Variants in ELK3 observed in about 807,000 individuals in gnomAD.
ELK3 encodes ETS domain-containing protein Elk-3.
In ELK3, 10 loss-of-function variants were observed where a neutral mutation model predicts 28.9. The observed-to-expected ratio is 0.35, with a 90% CI of 0.21 to 0.59. ELK3 has a LOEUF of 0.59. Ranked by LOEUF, ELK3 falls within the 20% of genes least tolerant of loss-of-function variation. The pLI is 0.82. For synonymous variants in ELK3, 272 were observed against 243.5 expected (o/e 1.12, Z -1.09); for missense variants, 463 against 517.3 (o/e 0.90, Z 1.02).
At chr12:96,206,961 A>G (rs906078279) in intron 1 of ELK3, among the ~76,000 whole-genome samples, 6 of 152,198 alleles carry the variant, frequency 3.9e-5, no homozygotes, top group African/African-American at 1.4e-4. Flanking sequence ...GTGCATCTTG[A>G]TGGTTAATTT....
chr12:96,213,557 C>A (rs932737382), intron 1 of ELK3, among the ~76,000 whole-genome samples: 1 of 152,178 alleles, frequency 6.6e-6, no homozygotes, highest in Admixed American at 6.5e-5. Flanking sequence ...ACGAAGCCAT[C>A]ATTTACTACT....
At chr12:96,230,907 C>T (rs765278815) in intron 2 of ELK3, among the ~76,000 whole-genome samples, 16 of 152,172 alleles carry the variant, frequency 1.1e-4, no homozygotes, top group Admixed American at 9.8e-4. Context: ...GTAGAGGCTG[C>T]GGGGCAAACC....
chr12:96,213,430 G>A (rs1001323318), intron 1 of ELK3, among the ~76,000 whole-genome samples: 3 of 152,266 alleles, frequency 2.0e-5, no homozygotes, highest in Non-Finnish European at 4.4e-5. Context: ...CTGTGGGCCC[G>A]CTCTGAAAAT....
At position 96,269,779 on chromosome 12, in the gene ELK3, A is replaced by ACTGT. The variant is rs1952072088; in HGVS notation, c.*2601_*2604dup. On this transcript the variant is annotated 3_prime_UTR_variant, in exon 5 of 5. Transcript: ENST00000228741. ...AATCTTCACTTTATGTATCATTTTT[A>ACTGT]CTGTCATATTATTTTTGTTCAATAA... 6.6e-6 allele frequency: 1 copy of ACTGT among 152,142 alleles called. No individual in the cohort carries two copies. The highest frequency in any genetic ancestry group is 6.5e-5 in the Admixed American group (1 of 15,278). 9.4% of individuals were successfully genotyped at this position (152,142 alleles called of 1,614,324 possible).
At chr12:96,245,733 C>A (rs1344610213) in intron 2 of ELK3, among the ~76,000 whole-genome samples, 2 of 152,124 alleles carry the variant, frequency 1.3e-5, no homozygotes, top group Non-Finnish European at 2.9e-5. Context: ...CACACGCAAG[C>A]ATTTGGTAGG....
intron 3 of ELK3, among the ~76,000 whole-genome samples, chr12:96,255,851 A>C (rs1258368169): frequency 2.0e-5 from 3 of 152,214 alleles, no homozygotes; most frequent in Admixed American, 2.0e-4. Flanking sequence ...GTAAGTCACC[A>C]TATATAGGGT....
chr12:96,237,633 A>G (rs118123417), intron 2 of ELK3, among the ~76,000 whole-genome samples: 2,201 of 152,258 alleles, frequency 0.014, 22 homozygotes, highest in Middle Eastern at 0.037. Context: ...TGTTCACTGA[A>G]AGCCAGGTGT....
intron 1 of ELK3, among the ~76,000 whole-genome samples, chr12:96,214,852 G>A (rs1592673253): frequency 6.6e-6 from 1 of 151,970 alleles, no homozygotes; most frequent in African/African-American, 2.4e-5. Flanking sequence ...GAGGTACAGG[G>A]TTCATTTTCT....
Position 96,254,668 on chromosome 12 carries a change from G to A in ELK3, c.1003-5063G>A, listed in dbSNP as rs554552931. 9.9e-5 allele frequency among the ~76,000 whole-genome samples: 15 copies of A among 152,136 alleles called. No individual in the cohort carries two copies. The East Asian group carries it at 2.5e-3, about 25-fold the overall frequency. On this transcript the variant is annotated intron_variant, in intron 3 of 4. Transcript: ENST00000228741. Reference sequence around the variant, plus strand: ...TACAAACGTGGATAAAATAGTCTCTGATAGTTAGGAGCTCATAACTTAAGT... The same window carrying A: ...TACAAACGTGGATAAAATAGTCTCTAATAGTTAGGAGCTCATAACTTAAGT...
At chr12:96,255,295 G>A (rs1328656277) in intron 3 of ELK3, among the ~76,000 whole-genome samples, 2 of 152,138 alleles carry the variant, frequency 1.3e-5, no homozygotes, top group Admixed American at 6.5e-5. Context: ...CAGGAAATTC[G>A]GGTGGAAAAG....
chr12:96,230,960 C>T (rs1162863536), intron 2 of ELK3, among the ~76,000 whole-genome samples: 6 of 152,148 alleles, frequency 3.9e-5, no homozygotes, highest in Admixed American at 2.6e-4. Flanking sequence ...ATCCAGGGAG[C>T]GGCATGTTTT....
intron 2 of ELK3, among the ~76,000 whole-genome samples, chr12:96,226,935 T>C (rs1286892764): frequency 1.3e-5 from 2 of 152,154 alleles, no homozygotes; most frequent in Non-Finnish European, 2.9e-5. Flanking sequence ...AAAACTACAC[T>C]CTATTTGACA....
intron 1 of ELK3, among the ~76,000 whole-genome samples, chr12:96,209,862 A>G (rs1951564777): frequency 6.6e-6 from 1 of 151,926 alleles, no homozygotes; most frequent in Admixed American, 6.6e-5. Flanking sequence ...TACAGAGGAG[A>G]AGGTTGAAAT....
chr12:96,197,373 T>C (rs75923949), intron 1 of ELK3, among the ~76,000 whole-genome samples: 1,777 of 152,274 alleles, frequency 0.012, 27 homozygotes, highest in African/African-American at 0.041. Flanking sequence ...AGAATTTTTT[T>C]TGCCCAAAAT....
intron 2 of ELK3, among the ~76,000 whole-genome samples, chr12:96,238,216 T>G (rs1463668031): frequency 2.0e-5 from 3 of 152,242 alleles, no homozygotes; most frequent in Non-Finnish European, 4.4e-5. Context: ...TAAGCAAGAT[T>G]CACTGGGTGA....
intron 4 of ELK3, 142 bp downstream of exon 4, chr12:96,259,995 T>C: frequency 8.6e-7 from 1 of 1,156,560 alleles, no homozygotes; most frequent in Non-Finnish European, 1.1e-6. Flanking sequence ...TTAGTGGGGT[T>C]GCACGCCCTT....
intron 3 of ELK3, among the ~76,000 whole-genome samples, chr12:96,250,948 CGTG>C (rs1237569035): frequency 6.6e-6 from 1 of 152,140 alleles, no homozygotes; most frequent in Non-Finnish European, 1.5e-5. Context: ...GCCTGTGTCA[CGTG>C]GTTACCTTAT....
At chr12:96,266,353 G>C (rs144836126) in intron 4 of ELK3, among the ~76,000 whole-genome samples, 182 of 152,264 alleles carry the variant, frequency 1.2e-3, no homozygotes, top group African/African-American at 3.2e-3. Flanking sequence ...AAATCTAGTT[G>C]CAAGTAGTCA....
At chr12:96,233,665 T>C (rs1392492503) in intron 2 of ELK3, among the ~76,000 whole-genome samples, 1 of 152,228 alleles carries the variant, frequency 6.6e-6, no homozygotes, top group African/African-American at 2.4e-5. Flanking sequence ...AACCTGGCCC[T>C]GGTGGAATTC....
Sources: gnomAD v4.1 joint callset for allele counts (sites outside exome capture counted in the v4.1 genomes callset) on GRCh38, gnomAD v4.1.1 for gene constraint, MANE v1.5 for transcripts, NCBI Gene and HGNC (gene_info 2026-07-23, HGNC 2026-07-21) for gene names.